Variants in DSE observed in about 807,000 individuals in gnomAD.
DSE encodes the protein dermatan sulfate epimerase, also known as dermatan-sulfate epimerase.
DSE carries 36 observed loss-of-function variants against 84.4 expected under a neutral mutation model. That is an observed-to-expected ratio of 0.43 (90% CI 0.33 to 0.56). The LOEUF is 0.56. Ranked by LOEUF, DSE falls within the 20% of genes least tolerant of loss-of-function variation. The probability of loss-of-function intolerance (pLI) is 0.06; values close to 1 mark genes in which losing one functional copy is unlikely to be tolerated. For missense variants in DSE, 862 were observed against 1,169.6 expected (o/e 0.74, Z 3.84); for synonymous variants, 410 against 430.1 (o/e 0.95, Z 0.58).
At chr6:116,273,731 A>G (rs987622504) in intron 2 of DSE, among the ~76,000 whole-genome samples, 2 of 152,164 alleles carry the variant, frequency 1.3e-5, no homozygotes, top group African/African-American at 4.8e-5. Flanking sequence ...GGCAAAGACA[A>G]CCTTTACTAT....
intron 2 of DSE, chr6:116,412,554 T>C (rs1211702010): frequency 6.6e-6 from 1 of 152,290 alleles, no homozygotes; most frequent in Non-Finnish European, 1.5e-5. Flanking sequence ...GTGGCTTATT[T>C]TGGATCACAT....
Position 116,322,243 on chromosome 6 carries a change from C to CA in DSE, c.-54+63276_-54+63277insA, listed in dbSNP as rs546185206. Among the ~76,000 whole-genome samples the CA allele has an allele frequency of 6.5e-3, 990 of 152,220 alleles. 10 individuals carry two copies. Among genetic ancestry groups the CA allele is most frequent in the African/African-American group, 0.022 (934 of 41,520 alleles). On this transcript the variant is annotated intron_variant, in intron 2 of 3. Transcript: ENST00000430252. ...CTATAGATAACATAACCGATTAGGTCGGGGTCGATCTTTAACTACCAGGCC... is the reference window on the plus strand; with the variant it reads ...CTATAGATAACATAACCGATTAGGTCAGGGGTCGATCTTTAACTACCAGGCC...
chr6:116,414,251 T>C (rs950050590), intron 2 of DSE, among the ~76,000 whole-genome samples: 9 of 152,204 alleles, frequency 5.9e-5, no homozygotes, highest in African/African-American at 2.2e-4. Flanking sequence ...CATCCTAAGC[T>C]GCTCTCCTAG....
At chr6:116,381,408 G>A (rs1395360711) in intron 1 of DSE, among the ~76,000 whole-genome samples, 1 of 152,168 alleles carries the variant, frequency 6.6e-6, no homozygotes, top group Non-Finnish European at 1.5e-5. Context: ...TGCTCATTTT[G>A]CTGAGGGAAA....
rs1454887147 is a variant in DSE, at chr6:116,441,926, G to A, written c.*4581G>A. 2 of 152,218 alleles carry A rather than the reference G, an allele frequency of 1.3e-5. No individual in the cohort carries two copies. The highest frequency in any genetic ancestry group is 4.8e-5 in the African/African-American group (2 of 41,434). 9.4% of individuals were successfully genotyped at this position (152,218 alleles called of 1,614,324 possible). A position where few individuals can be genotyped will look rare whatever the true frequency, so the allele number is the denominator to read the frequency against. Reference sequence around the variant, plus strand: ...AAAAGCTGGCCCTTGTATAGTTTATGTTCTAGTGGGAGCAAATAATAACAG... The same window carrying A: ...AAAAGCTGGCCCTTGTATAGTTTATATTCTAGTGGGAGCAAATAATAACAG... On this transcript the variant is annotated 3_prime_UTR_variant, in exon 6 of 6. Coordinates refer to ENST00000644252, the MANE Select transcript of DSE (RefSeq NM_013352.4).
intron 2 of DSE, chr6:116,279,947 T>C (rs1339735471): frequency 8.8e-6 from 13 of 1,473,114 alleles, no homozygotes; most frequent in Non-Finnish European, 1.2e-5. Context: ...TCAGCGGCGG[T>C]GTCGTCAGGA....
intron 1 of DSE, chr6:116,255,485 C>T (rs1195108352): frequency 1.3e-5 from 2 of 152,230 alleles, no homozygotes; most frequent in Non-Finnish European, 2.9e-5. Flanking sequence ...GACCTCTTTA[C>T]TGCCTGCCAG....
intron 1 of DSE, among the ~76,000 whole-genome samples, chr6:116,383,836 A>T (rs979105081): frequency 6.6e-6 from 1 of 152,224 alleles, no homozygotes; most frequent in Admixed American, 6.5e-5. Context: ...TACATAATAT[A>T]TGTAGTCTCC....
intron 2 of DSE, among the ~76,000 whole-genome samples, chr6:116,405,989 A>G (rs183067682): frequency 1.3e-5 from 2 of 152,354 alleles, no homozygotes; most frequent in African/African-American, 4.8e-5. Context: ...AGATAAAGTT[A>G]CTCTAATAAT....
chr6:116,269,537 G>A (rs992133245), intron 2 of DSE, among the ~76,000 whole-genome samples: 3 of 152,094 alleles, frequency 2.0e-5, no homozygotes, highest in African/African-American at 7.2e-5. Context: ...AAGTAGATTG[G>A]ATACCATTTG....
At position 116,299,539 on chromosome 6, in the gene DSE, TATATATATATATACAC is replaced by T. The variant is rs1472872047; in HGVS notation, c.-54+40576_-54+40591del. Among the ~76,000 whole-genome samples, 110 of 23,572 alleles carry T rather than the reference TATATATATATATACAC, an allele frequency of 4.7e-3. 4 individuals carry two copies. The highest frequency in any genetic ancestry group is 0.045 in the East Asian group (9 of 198). The allele number at this position is 23,572 out of a possible 152,430, so 15.5% of individuals were successfully genotyped here. ...ATATATATATATATATATATATATA[TATATATATATATACAC>T]ATACACACACACACACACATACATA... On this transcript the variant is annotated intron_variant, in intron 2 of 3. Coordinates refer to the DSE transcript ENST00000430252.
Position 116,441,584 on chromosome 6 carries a change from G to A in DSE, c.*4239G>A, listed in dbSNP as rs1206634932. 1 of 152,186 alleles carries A rather than the reference G, an allele frequency of 6.6e-6. No individual in the cohort carries two copies. The highest frequency in any genetic ancestry group is 2.4e-5 in the African/African-American group (1 of 41,432). 9.4% of individuals were successfully genotyped at this position (152,186 alleles called of 1,614,324 possible). A position where few individuals can be genotyped will look rare whatever the true frequency, so the allele number is the denominator to read the frequency against. On this transcript the variant is annotated 3_prime_UTR_variant, in exon 6 of 6. Transcript: ENST00000644252. ...CTTATTGGAAGATAATAGGTGCTAT[G>A]GAAGGAAAAGTCAGGGTAAGGAGAC...
At chr6:116,324,688 C>A (rs1340390494) in intron 2 of DSE, among the ~76,000 whole-genome samples, 1 of 152,126 alleles carries the variant, frequency 6.6e-6, no homozygotes, top group Non-Finnish European at 1.5e-5. Context: ...GTTCATTATC[C>A]CCTCTCATTG....
At chr6:116,336,562 C>G (rs1241978974) in intron 2 of DSE, among the ~76,000 whole-genome samples, 1 of 152,112 alleles carries the variant, frequency 6.6e-6, no homozygotes, top group Non-Finnish European at 1.5e-5. Flanking sequence ...TCAAGACCAG[C>G]CTGACCAACA....
rs371041647 is a variant in DSE at position 116,370,955 on chromosome 6, C to T, written c.-220C>T. On this transcript the variant is annotated 5_prime_UTR_variant, in exon 1 of 6. Transcript: ENST00000644252. Reference sequence around the variant, plus strand: ...CCGCCGGCCCGGCTCTCAGTAGCGTCGCCCGAGGCTGCAGCAGCGCATCCC... The same window carrying T: ...CCGCCGGCCCGGCTCTCAGTAGCGTTGCCCGAGGCTGCAGCAGCGCATCCC... The T allele has an allele frequency of 4.6e-4, 454 of 985,348 alleles. 4 individuals are homozygous for T. The South Asian group carries it at 0.019, about 41-fold the overall frequency. The allele number at this position is 985,348 out of a possible 1,614,324, so 61.0% of individuals were successfully genotyped here.
intron 2 of DSE, among the ~76,000 whole-genome samples, chr6:116,364,943 C>T (rs1351917378): frequency 1.3e-5 from 2 of 149,862 alleles, no homozygotes; most frequent in Non-Finnish European, 3.0e-5. Flanking sequence ...CAGCAATTCT[C>T]GTGCCTCAGC....
chr6:116,410,199 A>G (rs533823932), intron 2 of DSE, among the ~76,000 whole-genome samples: 1 of 152,312 alleles, frequency 6.6e-6, no homozygotes, highest in South Asian at 2.1e-4. Context: ...AAGTATTTTG[A>G]CGCAAACACC....
At chr6:116,375,252 A>C (rs1358013979) in intron 1 of DSE, among the ~76,000 whole-genome samples, 1 of 152,232 alleles carries the variant, frequency 6.6e-6, no homozygotes, top group Non-Finnish European at 1.5e-5. Context: ...ATAATGAAGA[A>C]TGTATGTTTC....
chr6:116,360,916 G>A (rs1778849889), intron 2 of DSE, among the ~76,000 whole-genome samples: 2 of 152,034 alleles, frequency 1.3e-5, no homozygotes, highest in Admixed American at 1.3e-4. Flanking sequence ...TCAGAGTTCT[G>A]ATGATTTGGG....
Sources: gnomAD v4.1 joint callset for allele counts (sites outside exome capture counted in the v4.1 genomes callset) on GRCh38, gnomAD v4.1.1 for gene constraint, MANE v1.5 for transcripts, NCBI Gene and HGNC (gene_info 2026-07-23, HGNC 2026-07-21) for gene names.